Variants in MED13L observed in about 807,000 individuals in gnomAD.
MED13L encodes mediator complex subunit 13L, also known as mediator of RNA polymerase II transcription subunit 13-like.
Under a neutral mutation model 220.9 loss-of-function variants are expected in MED13L, and 7 were observed. The ratio of observed to expected loss-of-function variants is 0.03; its 90% CI spans 0.02 to 0.06. The LOEUF is 0.06. Ranked by LOEUF, MED13L falls within the 10% of genes least tolerant of loss-of-function variation. The pLI is 1.00. For missense variants in MED13L, 1,965 were observed against 2,760.5 expected, an observed-to-expected ratio of 0.71 and a Z score of 6.46; for synonymous variants, 1,011 against 1,015.2, an observed-to-expected ratio of 1.00 and a Z score of 0.08.
intron 1 of MED13L, among the ~76,000 whole-genome samples, chr12:116,244,641 T>G (rs190638963): frequency 2.6e-5 from 4 of 152,300 alleles, no homozygotes; most frequent in Admixed American, 2.6e-4. Flanking sequence ...TAAGAACAAC[T>G]GGTTAAAAGC....
rs1880414031 is a variant in MED13L, at chr12:116,026,684, A to C, written c.480-4083T>G. ...ATAATGCCTAAATCCCAACTATTAAATTCTATTTTTTCTAAGATCATGTAA... is the reference window on the plus strand; with the variant it reads ...ATAATGCCTAAATCCCAACTATTAACTTCTATTTTTTCTAAGATCATGTAA... On this transcript the variant is annotated intron_variant, in intron 4 of 30. Transcript: ENST00000281928. 2.6e-5 allele frequency among the ~76,000 whole-genome samples: 4 copies of C among 152,190 alleles called. No homozygotes were observed. In the South Asian group the frequency reaches 8.3e-4, roughly 31 times the overall value.
chr12:116,237,200 A>C (rs1357353645), intron 2 of MED13L, among the ~76,000 whole-genome samples: 1 of 151,898 alleles, frequency 6.6e-6, no homozygotes, highest in Non-Finnish European at 1.5e-5. Context: ...CCTGGTTTCC[A>C]CCCCACCGCA....
At chr12:116,018,431 G>C (rs1209005643) in intron 7 of MED13L, among the ~76,000 whole-genome samples, 1 of 152,122 alleles carries the variant, frequency 6.6e-6, no homozygotes, top group Non-Finnish European at 1.5e-5. Context: ...TATTTTCAAA[G>C]TTTAGCAGCC....
rs1325209238 is a variant in MED13L at position 116,222,800 on chromosome 12, A to G, written c.310+14668T>C. On this transcript the variant is annotated intron_variant, in intron 2 of 30. Transcript: ENST00000281928. ...GCAATCTACTAACTTGCTATCTTAA[A>G]TATTTAGAAAGGAGATGCAACCCAA... 4.6e-5 allele frequency among the ~76,000 whole-genome samples: 7 copies of G among 152,350 alleles called. No homozygotes were observed. The South Asian group carries it at 1.0e-3, about 23-fold the overall frequency.
At chr12:116,081,361 C>T (rs1235946916) in intron 4 of MED13L, among the ~76,000 whole-genome samples, 2 of 152,084 alleles carry the variant, frequency 1.3e-5, no homozygotes, top group African/African-American at 2.4e-5. Flanking sequence ...CTTTAGGATG[C>T]TGAAGTCCTT....
intron 23 of MED13L, among the ~76,000 whole-genome samples, chr12:115,976,740 C>G (rs1304992915): frequency 1.3e-5 from 2 of 152,134 alleles, no homozygotes; most frequent in Non-Finnish European, 2.9e-5. Flanking sequence ...ATATTTTTTA[C>G]AGCCATCATA....
At chr12:116,219,630 A>G (rs1352562177) in intron 2 of MED13L, among the ~76,000 whole-genome samples, 1 of 152,200 alleles carries the variant, frequency 6.6e-6, no homozygotes, top group East Asian at 1.9e-4. Context: ...ACACATATTA[A>G]TTGTTTGAAA....
intron 2 of MED13L, among the ~76,000 whole-genome samples, chr12:116,198,516 C>T (rs1881793656): frequency 6.6e-6 from 1 of 152,134 alleles, no homozygotes; most frequent in African/African-American, 2.4e-5. Context: ...TCTCTGACCC[C>T]CTACAGAAGT....
At chr12:116,075,484 C>A (rs965371544) in intron 4 of MED13L, among the ~76,000 whole-genome samples, 1 of 152,134 alleles carries the variant, frequency 6.6e-6, no homozygotes, top group African/African-American at 2.4e-5. Flanking sequence ...GCTGTAAAAC[C>A]AAAGAAAATA....
chr12:116,049,952 G>T lies in MED13L; in HGVS notation c.480-27351C>A, dbSNP rs1045055406. 2.0e-5 allele frequency among the ~76,000 whole-genome samples: 3 copies of T among 152,224 alleles called. No individual in the cohort carries two copies. In the South Asian group the frequency reaches 6.2e-4, roughly 32 times the overall value. ...TAAGAAATGAGAGATACAAAAACAC[G>T]TATGTACTACGTTGCAATGTAAGAT... On this transcript the variant is annotated intron_variant, in intron 4 of 30. Coordinates refer to ENST00000281928, the MANE Select transcript of MED13L (RefSeq NM_015335.5).
At chr12:116,239,918 C>T (rs146897625) in intron 1 of MED13L, among the ~76,000 whole-genome samples, 1 of 152,312 alleles carries the variant, frequency 6.6e-6, no homozygotes, top group East Asian at 1.9e-4. Context: ...GCCACCATTC[C>T]TGGGTTTGAA....
At chr12:116,027,806 G>C (rs995948404) in intron 4 of MED13L, among the ~76,000 whole-genome samples, 1 of 152,160 alleles carries the variant, frequency 6.6e-6, no homozygotes, top group Non-Finnish European at 1.5e-5. Flanking sequence ...ACCGCACTGA[G>C]AACAGAATCC....
intron 4 of MED13L, among the ~76,000 whole-genome samples, chr12:116,042,973 T>A (rs138038450): frequency 6.6e-6 from 1 of 152,348 alleles, no homozygotes; most frequent in East Asian, 1.9e-4. Context: ...TTAGCCGATG[T>A]TCATGTTAAA....
intron 23 of MED13L, among the ~76,000 whole-genome samples, chr12:115,980,058 G>A (rs760137947): frequency 4.6e-5 from 7 of 152,148 alleles, no homozygotes; most frequent in Non-Finnish European, 8.8e-5. Flanking sequence ...CCCCTGCAGA[G>A]TAAACACAAC....
At chr12:115,995,891 T>G (rs547251748) in intron 16 of MED13L, among the ~76,000 whole-genome samples, 1 of 152,234 alleles carries the variant, frequency 6.6e-6, no homozygotes, top group Non-Finnish European at 1.5e-5. Context: ...AAGTACAGCA[T>G]GTCCTGAACG....
chr12:116,072,512 C>T lies in MED13L; in HGVS notation c.479+24157G>A, dbSNP rs370154789. Among the ~76,000 whole-genome samples, 9 of 152,232 alleles carry T rather than the reference C, an allele frequency of 5.9e-5. No individual in the cohort carries two copies. In the East Asian group the frequency reaches 9.7e-4, roughly 16 times the overall value. Reference sequence around the variant, plus strand: ...TGCCGCCCAGGCTAGAGTGCAGTGGCGCAATCTCGGCTCACTGCAAGCTCC... The same window carrying T: ...TGCCGCCCAGGCTAGAGTGCAGTGGTGCAATCTCGGCTCACTGCAAGCTCC... On this transcript the variant is annotated intron_variant, in intron 4 of 30. Transcript: ENST00000281928.
At chr12:116,232,784 G>C (rs1309660391) in intron 2 of MED13L, among the ~76,000 whole-genome samples, 1 of 152,078 alleles carries the variant, frequency 6.6e-6, no homozygotes, top group East Asian at 1.9e-4. Context: ...AGAATATTGT[G>C]TTTATTTAAA....
chr12:116,112,940 T>C (rs1292891330), intron 2 of MED13L, among the ~76,000 whole-genome samples: 1 of 152,194 alleles, frequency 6.6e-6, no homozygotes, highest in South Asian at 2.1e-4. Context: ...CACCATTATT[T>C]TGCAAACCAC....
intron 9 of MED13L, 52 bp from the exon 10 acceptor site, chr12:116,009,184 TC>T (rs769576999): frequency 6.2e-7 from 1 of 1,604,824 alleles, no homozygotes; most frequent in South Asian, 1.1e-5. Flanking sequence ...AAAGAGATTC[TC>T]TGACAAAATT....
Sources: gnomAD v4.1 joint callset for allele counts (sites outside exome capture counted in the v4.1 genomes callset) on GRCh38, gnomAD v4.1.1 for gene constraint, MANE v1.5 for transcripts, NCBI Gene and HGNC (gene_info 2026-07-23, HGNC 2026-07-21) for gene names.